DNER: variants seen among roughly 807,000 people sequenced by gnomAD.
DNER encodes delta/notch like EGF repeat containing.
In DNER, 33 loss-of-function variants were observed where a neutral mutation model predicts 78.2. That is an observed-to-expected ratio of 0.42 (90% CI 0.32 to 0.56). The LOEUF is 0.56. Among genes scored for constraint, DNER ranks in the 20% least tolerant of loss-of-function variants. DNER has a pLI of 0.11. For synonymous variants in DNER, 417 were observed against 384.8 expected, an observed-to-expected ratio of 1.08 and a Z score of -0.98; for missense variants, 918 against 975.3, an observed-to-expected ratio of 0.94 and a Z score of 0.78.
chr2:229,506,195 G>GGC (rs371912599), intron 6 of DNER, among the ~76,000 whole-genome samples: 10 of 151,786 alleles, frequency 6.6e-5, no homozygotes, highest in Middle Eastern at 3.4e-3. Context: ...AGGGCTGGGG[G>GGC]GCCTCAAGAA....
At chr2:229,458,437 A>T (rs908866673) in intron 7 of DNER, among the ~76,000 whole-genome samples, 1 of 151,968 alleles carries the variant, frequency 6.6e-6, no homozygotes, top group Admixed American at 6.5e-5. Flanking sequence ...TTAGTAACTG[A>T]CAGAATCAAT....
chr2:229,550,661 A>T (rs1165277410), intron 4 of DNER, among the ~76,000 whole-genome samples: 2 of 152,142 alleles, frequency 1.3e-5, no homozygotes, highest in Non-Finnish European at 2.9e-5. Context: ...CTGTAGTCCC[A>T]GCTACTCGGG....
At chr2:229,405,753 A>G (rs1202733254) in intron 10 of DNER, among the ~76,000 whole-genome samples, 5 of 152,218 alleles carry the variant, frequency 3.3e-5, no homozygotes, top group Non-Finnish European at 7.3e-5. Flanking sequence ...TCTGGATATC[A>G]GAATGTATCA....
intron 8 of DNER, among the ~76,000 whole-genome samples, chr2:229,438,918 CT>C (rs1302697446): frequency 6.6e-6 from 1 of 152,210 alleles, no homozygotes; most frequent in Non-Finnish European, 1.5e-5. Context: ...GTCAAGGCCA[CT>C]TTTGACCCCA....
chr2:229,463,984 C>A (rs1559358580), intron 7 of DNER, among the ~76,000 whole-genome samples: 1 of 152,160 alleles, frequency 6.6e-6, no homozygotes, highest in Non-Finnish European at 1.5e-5. Context: ...GTGCGTGGCA[C>A]CAGCTCTAAC....
At position 229,447,511 on chromosome 2, in the gene DNER, C is replaced by T; in HGVS notation, c.1291G>A (p.Val431Met). 2 of 1,614,118 alleles carry T rather than the reference C, an allele frequency of 1.2e-6. No homozygotes were observed. The highest frequency in any genetic ancestry group is 8.5e-7 in the Non-Finnish European group (1 of 1,180,016). ...GYFGSACEEK[V>M]DPCASSPCQN... ...CACGGAGACGAGGCGCAGGGGTCCA[C>T]CTTTTCTTCACAAGCAGATCCGAAG... Residue 431 changes from valine to methionine, a missense_variant, in exon 8 of 13, where the codon GTG becomes ATG. Physicochemically the swap from Val to Met is conservative, Grantham distance 21. Coordinates refer to ENST00000341772, the MANE Select transcript of DNER (RefSeq NM_139072.4).
chr2:229,517,520 G>C (rs1270142329), intron 5 of DNER, among the ~76,000 whole-genome samples: 1 of 152,188 alleles, frequency 6.6e-6, no homozygotes, highest in East Asian at 1.9e-4. Context: ...TCCAGGTGAG[G>C]GGAACAGCCA....
At chr2:229,598,742 A>G (rs1042992224) in intron 1 of DNER, among the ~76,000 whole-genome samples, 2 of 152,082 alleles carry the variant, frequency 1.3e-5, no homozygotes, top group African/African-American at 2.4e-5. Context: ...GAGTTTTCCA[A>G]TGAGAAATGG....
At chr2:229,555,294 C>T (rs982751393) in intron 4 of DNER, among the ~76,000 whole-genome samples, 2 of 152,190 alleles carry the variant, frequency 1.3e-5, no homozygotes, top group Admixed American at 1.3e-4. Context: ...TTCTGTGGTG[C>T]TTTCTATTCT....
intron 6 of DNER, among the ~76,000 whole-genome samples, chr2:229,492,958 A>G (rs528611374): frequency 1.3e-5 from 2 of 152,284 alleles, no homozygotes. Context: ...GACCTGAGCC[A>G]CCACACCCAG....
intron 8 of DNER, among the ~76,000 whole-genome samples, chr2:229,431,886 T>C (rs539539069): frequency 2.6e-5 from 4 of 152,128 alleles, no homozygotes; most frequent in African/African-American, 9.6e-5. Context: ...AAAGAAGAAA[T>C]CCCATTCCCT....
intron 5 of DNER, among the ~76,000 whole-genome samples, chr2:229,521,446 C>T (rs1470795014): frequency 2.0e-5 from 3 of 152,206 alleles, no homozygotes; most frequent in Non-Finnish European, 1.5e-5. Context: ...GATCTATTAA[C>T]CCAGCTCCTA....
At chr2:229,579,617 A>T (rs1697356847) in intron 4 of DNER, among the ~76,000 whole-genome samples, 1 of 152,110 alleles carries the variant, frequency 6.6e-6, no homozygotes, top group Non-Finnish European at 1.5e-5. Context: ...CCTGAGAAGG[A>T]TGCATGGATA....
At chr2:229,628,914 C>T (rs1463615206) in intron 1 of DNER, among the ~76,000 whole-genome samples, 1 of 152,190 alleles carries the variant, frequency 6.6e-6, no homozygotes, top group Non-Finnish European at 1.5e-5. Flanking sequence ...TGACTGCTTC[C>T]CCTAACATAT....
chr2:229,459,762 T>C (rs1376652191), intron 7 of DNER, among the ~76,000 whole-genome samples: 1 of 151,968 alleles, frequency 6.6e-6, no homozygotes, highest in Admixed American at 6.6e-5. Context: ...TATGTTCAGA[T>C]CAGCTGGGCA....
intron 12 of DNER, among the ~76,000 whole-genome samples, chr2:229,364,821 G>T (rs1692305596): frequency 6.7e-6 from 1 of 149,264 alleles, no homozygotes; most frequent in Non-Finnish European, 1.5e-5. Flanking sequence ...GAATAATTTG[G>T]GTTTTCTCAT....
At chr2:229,556,144 T>C (rs1244470178) in intron 4 of DNER, among the ~76,000 whole-genome samples, 1 of 152,228 alleles carries the variant, frequency 6.6e-6, no homozygotes, top group Non-Finnish European at 1.5e-5. Flanking sequence ...TAGTTAAAAA[T>C]ATACAAGGCA....
chr2:229,636,654 T>G (rs1047130308), intron 1 of DNER, among the ~76,000 whole-genome samples: 1 of 152,234 alleles, frequency 6.6e-6, no homozygotes, highest in Non-Finnish European at 1.5e-5. Context: ...TAAGTCATGT[T>G]GCATCAGTAC....
chr2:229,513,228 T>G (rs1695907804), intron 5 of DNER, among the ~76,000 whole-genome samples: 1 of 152,234 alleles, frequency 6.6e-6, no homozygotes, highest in South Asian at 2.1e-4. Flanking sequence ...GAAGTTTTGC[T>G]GGCCAGACAT....
Sources: gnomAD v4.1 joint callset for allele counts (sites outside exome capture counted in the v4.1 genomes callset) on GRCh38, gnomAD v4.1.1 for gene constraint, MANE v1.5 for transcripts, NCBI Gene and HGNC (gene_info 2026-07-23, HGNC 2026-07-21) for gene names.